NECTIN3: variants seen among roughly 807,000 people sequenced by gnomAD.
The protein encoded by NECTIN3 is nectin-3.
Under a neutral mutation model 49.4 loss-of-function variants are expected in NECTIN3, and 8 were observed. The ratio of observed to expected loss-of-function variants is 0.16; its 90% CI spans 0.10 to 0.29. The LOEUF is 0.29. Among genes scored for constraint, NECTIN3 ranks in the 10% least tolerant of loss-of-function variants. The probability of loss-of-function intolerance (pLI) is 1.00; values close to 1 mark genes in which losing one functional copy is unlikely to be tolerated. For synonymous variants in NECTIN3, 277 were observed against 241.1 expected (o/e 1.15, Z -1.38); for missense variants, 581 against 654.6 (o/e 0.89, Z 1.23).
intron 1 of NECTIN3, among the ~76,000 whole-genome samples, chr3:111,194,127 T>C (rs1288039818): frequency 6.6e-6 from 1 of 152,202 alleles, no homozygotes; most frequent in African/African-American, 2.4e-5. Flanking sequence ...ACTAGCTAGA[T>C]TAGCCTATTT....
chr3:111,155,042 A>G (rs1473549835), intron 7 of NECTIN3, among the ~76,000 whole-genome samples: 1 of 152,114 alleles, frequency 6.6e-6, no homozygotes, highest in Non-Finnish European at 1.5e-5. Flanking sequence ...GGTTCAAGCG[A>G]TTCTCCTGCC....
At chr3:111,185,710 C>G (rs1468833547) in intron 7 of NECTIN3, among the ~76,000 whole-genome samples, 4 of 152,096 alleles carry the variant, frequency 2.6e-5, no homozygotes, top group Non-Finnish European at 5.9e-5. Context: ...GAGAAAATGA[C>G]TGGGTTTTCT....
intron 2 of NECTIN3, 94 bp from the exon 3 acceptor site, chr3:111,118,562 C>G: frequency 8.5e-7 from 1 of 1,178,158 alleles, no homozygotes; most frequent in Non-Finnish European, 1.2e-6. Flanking sequence ...TGCAGTTGTC[C>G]TTAAGCTTGT....
intron 1 of NECTIN3, among the ~76,000 whole-genome samples, chr3:111,106,779 T>A (rs1307827075): frequency 6.6e-6 from 1 of 152,182 alleles, no homozygotes; most frequent in East Asian, 1.9e-4. Flanking sequence ...GATTCATATC[T>A]TAGAGATTTT....
intron 3 of NECTIN3, among the ~76,000 whole-genome samples, chr3:111,121,207 G>T (rs1195457536): frequency 2.0e-5 from 3 of 150,800 alleles, no homozygotes; most frequent in Non-Finnish European, 3.0e-5. Flanking sequence ...TAGAGATGGG[G>T]TTTCACTGTG....
In NECTIN3 at chr3:111,136,710, A is replaced by G. The variant is rs549405500; in HGVS notation, c.*2495A>G. The G allele has an allele frequency of 5.9e-5, 54 of 916,960 alleles. 1 individual carries two copies. In the South Asian group the frequency reaches 9.6e-4, roughly 16 times the overall value. 56.8% of individuals were successfully genotyped at this position (916,960 alleles called of 1,614,324 possible). A position where few individuals can be genotyped will look rare whatever the true frequency, so the allele number is the denominator to read the frequency against. On this transcript the variant is annotated 3_prime_UTR_variant, in exon 6 of 6. Transcript: ENST00000485303. ...GAATATTTGTACTATTTTTGGCCAT[A>G]TTTATATTTATTTCTTTCATATGGT... is the stretch of plus-strand genomic sequence containing the variant.
intron 7 of NECTIN3, among the ~76,000 whole-genome samples, chr3:111,162,498 G>A (rs1479886046): frequency 1.3e-5 from 2 of 152,036 alleles, no homozygotes; most frequent in South Asian, 2.1e-4. Context: ...TAAGTTTCTC[G>A]AGACCTCACC....
At chr3:111,137,769 C>CTTT (rs3081495), downstream of NECTIN3, among the ~76,000 whole-genome samples, 84 of 100,016 alleles carry the variant, frequency 8.4e-4, no homozygotes, top group African/African-American at 2.0e-3. Flanking sequence ...AAATTTTTTC[C>CTTT]TTTTTTTTTT....
Position 111,134,516 on chromosome 3 carries a change from T to G in NECTIN3, c.*301T>G. 1 of 1,018,108 alleles carries G rather than the reference T, an allele frequency of 9.8e-7. No individual in the cohort carries two copies. Among genetic ancestry groups the G allele is most frequent in the Non-Finnish European group, 1.2e-6 (1 of 846,314 alleles). 63.1% of individuals were successfully genotyped at this position (1,018,108 alleles called of 1,614,324 possible). On this transcript the variant is annotated 3_prime_UTR_variant, in exon 6 of 6. Coordinates refer to ENST00000485303, the MANE Select transcript of NECTIN3 (RefSeq NM_015480.3). ...TGTCAACATTAAATGTATGACTTAC[T>G]TGGTACAAAAATTTTTTAAAAAGGG...
chr3:111,192,488 G>T, intron 1 of NECTIN3: 1 of 1,308,622 alleles, frequency 7.6e-7, no homozygotes. Flanking sequence ...TCATTTAATT[G>T]TATACAAGTT....
chr3:111,172,362 C>T (rs1194644491), intron 7 of NECTIN3, among the ~76,000 whole-genome samples: 1 of 152,046 alleles, frequency 6.6e-6, no homozygotes, highest in East Asian at 1.9e-4. Context: ...TATGAGGTGA[C>T]ATAAACATGT....
At chr3:111,190,951 A>G (rs955463549), upstream of NECTIN3, among the ~76,000 whole-genome samples, 50 of 152,208 alleles carry the variant, frequency 3.3e-4, no homozygotes, top group African/African-American at 1.2e-3. Context: ...AGCCTTGTGA[A>G]AAAAAGAATG....
intron 7 of NECTIN3, among the ~76,000 whole-genome samples, chr3:111,151,899 C>T (rs893829210): frequency 1.3e-4 from 20 of 151,612 alleles, no homozygotes; most frequent in African/African-American, 4.1e-4. Context: ...CTACAGATAA[C>T]CACTTTTATT....
intron 1 of NECTIN3, among the ~76,000 whole-genome samples, chr3:111,079,383 A>G (rs568459866): frequency 2.4e-3 from 364 of 152,110 alleles, no homozygotes; most frequent in African/African-American, 8.3e-3. Context: ...TGTAGTTAAT[A>G]GTAAAAATGT....
intron 1 of NECTIN3, 96 bp downstream of exon 1, chr3:111,072,273 A>G: frequency 6.9e-7 from 1 of 1,458,042 alleles, no homozygotes; most frequent in Admixed American, 2.5e-5. Flanking sequence ...TGGAGCAGCG[A>G]GGCGGTTGGT....
intron 5 of NECTIN3, among the ~76,000 whole-genome samples, chr3:111,127,356 C>G (rs2034204007): frequency 2.0e-5 from 3 of 151,508 alleles, no homozygotes; most frequent in African/African-American, 7.3e-5. Flanking sequence ...ATGCTCATTT[C>G]TTTGCTTATT....
At chr3:111,080,198 G>A (rs2031501281) in intron 1 of NECTIN3, among the ~76,000 whole-genome samples, 1 of 152,080 alleles carries the variant, frequency 6.6e-6, no homozygotes, top group African/African-American at 2.4e-5. Flanking sequence ...CGTTTTCAAT[G>A]AGGAAAGATT....
In NECTIN3 at chr3:111,136,060, T is replaced by G; in HGVS notation, c.*1845T>G. 1.0e-6 allele frequency: 1 copy of G among 982,026 alleles called. No homozygotes were observed. The highest frequency in any genetic ancestry group is 1.2e-6 in the Non-Finnish European group (1 of 827,076). The allele number at this position is 982,026 out of a possible 1,614,324, so 60.8% of individuals were successfully genotyped here. ...GATAAAACACTGTGATTGATGTGAC[T>G]TTATTTTTAATTTAAACGATGAGGT... On this transcript the variant is annotated 3_prime_UTR_variant, in exon 6 of 6. Transcript: ENST00000485303.
intron 7 of NECTIN3, among the ~76,000 whole-genome samples, chr3:111,152,348 T>C (rs2035016775): frequency 6.6e-6 from 1 of 151,908 alleles, no homozygotes; most frequent in Non-Finnish European, 1.5e-5. Context: ...TTTGCACTTC[T>C]ACCAATAATA....
Sources: gnomAD v4.1 joint callset for allele counts (sites outside exome capture counted in the v4.1 genomes callset) on GRCh38, gnomAD v4.1.1 for gene constraint, MANE v1.5 for transcripts, NCBI Gene and HGNC (gene_info 2026-07-23, HGNC 2026-07-21) for gene names.